The following SLC37A1 variants were observed in gnomAD, a reference collection of about 807,000 sequenced individuals.
The protein encoded by SLC37A1 is solute carrier family 37 member 1.
In SLC37A1, 49 loss-of-function variants were observed where a neutral mutation model predicts 75.3. That is an observed-to-expected ratio of 0.65 (90% confidence interval 0.52 to 0.83). The LOEUF (loss-of-function observed/expected upper bound fraction) is 0.83, where lower values mean the gene tolerates loss of function less well. SLC37A1 is among the 40% of genes least tolerant of loss of function. The pLI, the probability that SLC37A1 is intolerant of heterozygous loss-of-function variation, is 0.00. For synonymous variants in SLC37A1, 268 were observed against 292.1 expected, an observed-to-expected ratio of 0.92 and a Z score of 0.84; for missense variants, 566 against 695.0, an observed-to-expected ratio of 0.81 and a Z score of 2.09.
At chr21:42,546,192 G>A (rs913793402) in intron 8 of SLC37A1, among the ~76,000 whole-genome samples, 11 of 152,170 alleles carry the variant, frequency 7.2e-5, no homozygotes, top group African/African-American at 1.7e-4. Flanking sequence ...CTGGTTTCCC[G>A]CAGCACCTAG....
intron 18 of SLC37A1, 142 bp from the exon 19 acceptor site, chr21:42,579,594 C>A: frequency 2.0e-6 from 1 of 496,390 alleles, no homozygotes; most frequent in Admixed American, 3.7e-5. Context: ...GCTGCTCTTG[C>A]AGGGAGGCCA....
At position 42,505,045 on chromosome 21, in the gene SLC37A1, G is replaced by A. The variant is rs1211541365; in HGVS notation, c.-179+2628G>A. ...TCAGGACACCATCATTTTCTGCCAAGAAGACGCCAACAGCCCAGGTGGTCT... is the reference window on the plus strand; with the variant it reads ...TCAGGACACCATCATTTTCTGCCAAAAAGACGCCAACAGCCCAGGTGGTCT... On this transcript the variant is annotated intron_variant, in intron 2 of 20. Transcript: ENST00000398341. Among the ~76,000 whole-genome samples, 5 of 152,120 alleles carry A rather than the reference G, an allele frequency of 3.3e-5. No individual in the cohort carries two copies. In the East Asian group the frequency reaches 9.6e-4, roughly 29 times the overall value.
chr21:42,523,288 T>G (rs894630309), intron 2 of SLC37A1, among the ~76,000 whole-genome samples: 7 of 152,130 alleles, frequency 4.6e-5, no homozygotes, highest in Non-Finnish European at 7.4e-5. Flanking sequence ...TTTGAGGAGA[T>G]TGGAGAAGGA....
In SLC37A1 at chr21:42,551,122, ACTT is replaced by A. The variant is rs1387285928; in HGVS notation, c.769-2937_769-2935del. On this transcript the variant is annotated intron_variant, in intron 9 of 19. Coordinates refer to ENST00000352133, the MANE Select transcript of SLC37A1 (RefSeq NM_001320537.2). Reference sequence around the variant, plus strand: ...TGCAGATTAGACAAGAAGTAAGACTACTTCTCTTTGCAGATGACATGATCTTTT... The same window carrying A: ...TGCAGATTAGACAAGAAGTAAGACTACTCTTTGCAGATGACATGATCTTTT... Among the ~76,000 whole-genome samples the A allele has an allele frequency of 2.0e-5, 3 of 152,252 alleles. No individual in the cohort carries two copies. The East Asian group carries it at 5.8e-4, about 29-fold the overall frequency.
intron 15 of SLC37A1, 41 bp from the exon 16 acceptor site, chr21:42,566,944 G>A (rs774730162): frequency 4.0e-5 from 63 of 1,588,270 alleles, no homozygotes; most frequent in Middle Eastern, 3.3e-4. Context: ...GGGGCTCTCT[G>A]GAGGGCACAT....
At chr21:42,551,333 G>A (rs747189210) in intron 9 of SLC37A1, among the ~76,000 whole-genome samples, 34 of 152,282 alleles carry the variant, frequency 2.2e-4, no homozygotes, top group Non-Finnish European at 2.2e-4. Flanking sequence ...ATTACGCGAA[G>A]CAGAAGAAAC....
chr21:42,532,945 C>T (rs1050155764), intron 3 of SLC37A1, among the ~76,000 whole-genome samples: 11 of 152,198 alleles, frequency 7.2e-5, no homozygotes, highest in African/African-American at 2.7e-4. Flanking sequence ...GGCAGAGTCA[C>T]GTGACCGTGG....
intron 1 of SLC37A1, among the ~76,000 whole-genome samples, chr21:42,516,333 T>C (rs1449003300): frequency 1.3e-5 from 2 of 152,122 alleles, no homozygotes; most frequent in Admixed American, 6.5e-5. Flanking sequence ...GCCCCACTTA[T>C]CCAGCTGACC....
chr21:42,552,213 T>C lies in SLC37A1; in HGVS notation c.769-1849T>C, dbSNP rs950789790. Among the ~76,000 whole-genome samples, 1 of 152,252 alleles carries C rather than the reference T, an allele frequency of 6.6e-6. No individual in the cohort carries two copies. Among genetic ancestry groups the C allele is most frequent in the African/African-American group, 2.4e-5 (1 of 41,464 alleles). On this transcript the variant is annotated intron_variant, in intron 9 of 19. Transcript: ENST00000352133. The surrounding 1 kb of genome is among the most constrained non-coding windows in gnomAD (Gnocchi z 4.2). The stretch of plus-strand genomic sequence containing the variant: ...TCCTAGGTTACTTAGGTTTAGGATA[T>C]CTATTTTGTGCCCTAATCTAGGACC...
upstream of SLC37A1, among the ~76,000 whole-genome samples, chr21:42,513,682 G>A (rs1413175746): frequency 2.0e-5 from 3 of 150,312 alleles, no homozygotes; most frequent in African/African-American, 4.9e-5. Flanking sequence ...AGGCGTGGGG[G>A]CGCCCCCGCC....
chr21:42,569,039 C>T (rs1357090771), intron 17 of SLC37A1, among the ~76,000 whole-genome samples: 1 of 152,188 alleles, frequency 6.6e-6, no homozygotes, highest in Non-Finnish European at 1.5e-5. Context: ...TCAGGAGTTG[C>T]CACACCTGCC....
upstream of SLC37A1, among the ~76,000 whole-genome samples, chr21:42,511,816 A>C (rs937065953): frequency 6.6e-6 from 1 of 152,248 alleles, no homozygotes; most frequent in East Asian, 1.9e-4. Flanking sequence ...AAACAAACAA[A>C]AAAGAAAAAT....
At chr21:42,575,512 G>A (rs922433543) in intron 18 of SLC37A1, 6 of 985,412 alleles carry the variant, frequency 6.1e-6, no homozygotes, top group Non-Finnish European at 6.0e-6. Flanking sequence ...GTGCCCTCCT[G>A]TGTTGAGAAA....
At chr21:42,574,703 CAT>C (rs2056267753) in intron 17 of SLC37A1, 113 bp from the exon 18 acceptor site, 16 of 939,620 alleles carry the variant, frequency 1.7e-5, no homozygotes, top group Middle Eastern at 6.5e-4. Flanking sequence ...AGTGTAGTTC[CAT>C]ATGTGTTCCT....
chr21:42,539,401 TCC>T, intron 5 of SLC37A1, 109 bp from the exon 6 acceptor site: 1 of 1,262,100 alleles, frequency 7.9e-7, no homozygotes, highest in Non-Finnish European at 1.1e-6. Context: ...GCTTGAGAGT[TCC>T]CCAAGCTCAG....
At chr21:42,529,096 G>T (rs934745431) in intron 3 of SLC37A1, among the ~76,000 whole-genome samples, 1 of 152,026 alleles carries the variant, frequency 6.6e-6, no homozygotes, top group African/African-American at 2.4e-5. Context: ...ATATGCAAAA[G>T]ATTAACATAT....
At chr21:42,575,386 G>A (rs1340934805) in intron 18 of SLC37A1, 30 of 985,334 alleles carry the variant, frequency 3.0e-5, no homozygotes, top group Admixed American at 6.1e-5. Context: ...GGCGGGAGCG[G>A]CCCCAACTTC....
At chr21:42,511,007 A>G (rs1055954480), upstream of SLC37A1, among the ~76,000 whole-genome samples, 1 of 152,218 alleles carries the variant, frequency 6.6e-6, no homozygotes, top group African/African-American at 2.4e-5. Flanking sequence ...CCTAACAGAC[A>G]TACAGAACAC....
intron 3 of SLC37A1, among the ~76,000 whole-genome samples, chr21:42,530,072 G>A (rs1443771622): frequency 7.9e-5 from 12 of 152,186 alleles, no homozygotes; most frequent in Admixed American, 7.9e-4. Flanking sequence ...GATATCAAGG[G>A]AACCTAATAA....
Sources: gnomAD v4.1 joint callset for allele counts (sites outside exome capture counted in the v4.1 genomes callset) on GRCh38, gnomAD v4.1.1 for gene constraint, Gnocchi (gnomAD v3.1) non-coding constraint, MANE v1.5 for transcripts, NCBI Gene and HGNC (gene_info 2026-07-23, HGNC 2026-07-21) for gene names.